TMEM62: variants seen among roughly 807,000 people sequenced by gnomAD.
TMEM62 encodes the protein transmembrane protein 62.
TMEM62 carries 41 observed loss-of-function variants against 70.4 expected under a neutral mutation model. The ratio of observed to expected loss-of-function variants is 0.58; its 90% CI spans 0.45 to 0.76. TMEM62 has a LOEUF of 0.76. Ranked by LOEUF, TMEM62 falls within the 30% of genes least tolerant of loss-of-function variation. The pLI is 0.00. For synonymous variants in TMEM62, 268 were observed against 291.0 expected, an observed-to-expected ratio of 0.92 and a Z score of 0.80; for missense variants, 688 against 788.5, an observed-to-expected ratio of 0.87 and a Z score of 1.53.
chr15:43,162,500 C>T (rs568668784), intron 10 of TMEM62, among the ~76,000 whole-genome samples: 3 of 150,634 alleles, frequency 2.0e-5, no homozygotes, highest in East Asian at 3.9e-4. Flanking sequence ...GGCACGATCC[C>T]GGCTCACTGC....
chr15:43,167,168 ACCCCCCCAC>A (rs1567222411), intron 10 of TMEM62, among the ~76,000 whole-genome samples: 6 of 140,672 alleles, frequency 4.3e-5, no homozygotes, highest in Non-Finnish European at 7.6e-5. Context: ...CGGGGGGCTG[ACCCCCCCAC>A]CTCCCTCCCG....
chr15:43,184,671 G>A lies in TMEM62; in HGVS notation c.*85G>A. The A allele has an allele frequency of 7.9e-7, 1 of 1,269,940 alleles. No individual in the cohort carries two copies. The highest frequency in any genetic ancestry group is 1.1e-6 in the Non-Finnish European group (1 of 918,694). 78.7% of individuals were successfully genotyped at this position (1,269,940 alleles called of 1,614,324 possible). A position where few individuals can be genotyped will look rare whatever the true frequency, so the allele number is the denominator to read the frequency against. ...GCCTCTACCCCAGTAGCAGGTGGAG[G>A]GCCAGGATTGGTGGGTGAGCTTTAG... On this transcript the variant is annotated 3_prime_UTR_variant, in exon 14 of 14. Coordinates refer to ENST00000260403, the MANE Select transcript of TMEM62 (RefSeq NM_024956.4).
chr15:43,177,779 A>G (rs2040911543), intron 11 of TMEM62, among the ~76,000 whole-genome samples: 1 of 151,960 alleles, frequency 6.6e-6, no homozygotes, highest in Non-Finnish European at 1.5e-5. Context: ...GTTCTCACTC[A>G]TCGGTGGGAA....
rs370183208 is a variant in TMEM62 at position 43,166,864 on chromosome 15, G to A, written c.1297-2729G>A. ...GCACAGGGTTGGGGGTAAGGTCACA[G>A]ATCAACAGGATCCCAAGGCAGAATA... On this transcript the variant is annotated intron_variant, in intron 10 of 13. Transcript: ENST00000260403. Among the ~76,000 whole-genome samples the A allele has an allele frequency of 1.2e-4, 18 of 152,320 alleles. No homozygotes were observed. In the East Asian group the frequency reaches 2.9e-3, roughly 25 times the overall value.
At chr15:43,152,551 C>T (rs753508465) in intron 8 of TMEM62, among the ~76,000 whole-genome samples, 8 of 152,074 alleles carry the variant, frequency 5.3e-5, no homozygotes, top group African/African-American at 7.2e-5. Context: ...TGTGCCACCA[C>T]GCCTGGCTAA....
chr15:43,155,623 G>A (rs1457243505), intron 9 of TMEM62, among the ~76,000 whole-genome samples: 1 of 152,184 alleles, frequency 6.6e-6, no homozygotes, highest in Admixed American at 6.5e-5. Flanking sequence ...AGTGGCCATA[G>A]ACTCCCTTTT....
chr15:43,137,646 C>A (rs181433351), intron 3 of TMEM62, among the ~76,000 whole-genome samples: 1 of 152,364 alleles, frequency 6.6e-6, no homozygotes, highest in Admixed American at 6.5e-5. Flanking sequence ...CACAGATGTG[C>A]ACCGGGCTGT....
chr15:43,178,799 C>G (rs186450052), intron 12 of TMEM62, 88 bp downstream of exon 12: 1 of 684,890 alleles, frequency 1.5e-6, no homozygotes, highest in East Asian at 2.9e-5. Context: ...GAGGGTATAA[C>G]AAATGGCTCA....
At chr15:43,168,434 G>A (rs1316498465) in intron 10 of TMEM62, among the ~76,000 whole-genome samples, 1 of 152,054 alleles carries the variant, frequency 6.6e-6, no homozygotes, top group Non-Finnish European at 1.5e-5. Flanking sequence ...TCAGCAGATG[G>A]TGAATCTTGC....
At chr15:43,165,601 C>T (rs979732949) in intron 10 of TMEM62, among the ~76,000 whole-genome samples, 10 of 151,838 alleles carry the variant, frequency 6.6e-5, no homozygotes, top group Admixed American at 3.9e-4. Context: ...GGTGTGGTGG[C>T]GGGCACCTGT....
At chr15:43,180,122 G>GT (rs1203300550) in intron 12 of TMEM62, among the ~76,000 whole-genome samples, 2 of 152,068 alleles carry the variant, frequency 1.3e-5, no homozygotes, top group Non-Finnish European at 2.9e-5. Flanking sequence ...GCAAATGATG[G>GT]TATTTGCATT....
chr15:43,133,859 G>A lies in TMEM62; in HGVS notation c.57G>A (p.Val19=), dbSNP rs866531910. Residue 19 remains valine, a synonymous_variant, in exon 1 of 14, where the codon GTG becomes GTA. Transcript: ENST00000260403. ...CGGGGTTGGCGGCCGCAGCGCTGGT[G>A]GCCATGCTCTTGGAGCACTACGGCC... ...VVAGLAAAAL[V]AMLLEHYGLA... The A allele has an allele frequency of 3.4e-6, 5 of 1,481,344 alleles. No individual in the cohort carries two copies. The South Asian group carries it at 3.9e-5, about 11-fold the overall frequency. 91.8% of individuals were successfully genotyped at this position (1,481,344 alleles called of 1,614,324 possible).
Position 43,184,399 on chromosome 15 carries a change from T to C in TMEM62, c.1745T>C (p.Leu582Pro). Residue 582 changes from leucine to proline, a missense_variant, in exon 14 of 14, where the codon CTG (leucine) becomes CCG (proline). Transcript: ENST00000260403. Reference protein sequence around the residue: ...IMPVHLLMLLLYIWQVYSCYF... With the variant: ...IMPVHLLMLLPYIWQVYSCYF... Reference sequence around the variant, plus strand: ...CCTGTTCACCTACTTATGCTACTGCTGTACATCTGGCAGGTTTATTCCTGC... The same window carrying C: ...CCTGTTCACCTACTTATGCTACTGCCGTACATCTGGCAGGTTTATTCCTGC... 4 of 1,614,252 alleles carry C rather than the reference T, an allele frequency of 2.5e-6. No homozygotes were observed. The highest frequency in any genetic ancestry group is 3.4e-6 in the Non-Finnish European group (4 of 1,180,042).
At chr15:43,167,897 G>A (rs1023098597) in intron 10 of TMEM62, among the ~76,000 whole-genome samples, 10 of 152,142 alleles carry the variant, frequency 6.6e-5, no homozygotes, top group East Asian at 1.9e-4. Flanking sequence ...CGAGGCTGGC[G>A]GATCACTCAT....
chr15:43,159,371 A>G (rs1234840745), intron 9 of TMEM62, among the ~76,000 whole-genome samples: 1 of 151,446 alleles, frequency 6.6e-6, no homozygotes, highest in Non-Finnish European at 1.5e-5. Flanking sequence ...AACCATCCCC[A>G]CCTCCCTCCC....
chr15:43,183,955 A>G (rs1028618582), intron 13 of TMEM62: 34 of 349,884 alleles, frequency 9.7e-5, no homozygotes, highest in Non-Finnish European at 3.1e-5. Context: ...ATGTGTGTGT[A>G]TACATTTACT....
chr15:43,138,113 T>C (rs2035488598), intron 3 of TMEM62, among the ~76,000 whole-genome samples: 1 of 152,156 alleles, frequency 6.6e-6, no homozygotes, highest in African/African-American at 2.4e-5. Context: ...CATCCTGGAA[T>C]CAAGATTCCA....
intron 1 of TMEM62, 43 bp from the exon 2 acceptor site, chr15:43,134,214 C>A: frequency 6.3e-7 from 1 of 1,597,778 alleles, no homozygotes; most frequent in East Asian, 2.2e-5. Flanking sequence ...CATGCTGCCT[C>A]TTCCTGGCTC....
chr15:43,167,926 A>G (rs1271528566), intron 10 of TMEM62, among the ~76,000 whole-genome samples: 2 of 152,268 alleles, frequency 1.3e-5, no homozygotes, highest in South Asian at 2.1e-4. Flanking sequence ...GCTGGAGACC[A>G]GCCCGGCCAA....
Sources: gnomAD v4.1 joint callset for allele counts (sites outside exome capture counted in the v4.1 genomes callset) on GRCh38, gnomAD v4.1.1 for gene constraint, MANE v1.5 for transcripts, NCBI Gene and HGNC (gene_info 2026-07-23, HGNC 2026-07-21) for gene names.